PRCD: variants seen among roughly 807,000 people sequenced by gnomAD.
PRCD encodes the protein photoreceptor disc component, also known as photoreceptor disk component PRCD.
In PRCD, 12 loss-of-function variants were observed where a neutral mutation model predicts 10.1. That is an observed-to-expected ratio of 1.18 (90% confidence interval 0.76 to 1.92). The LOEUF is 1.92. Among genes scored for constraint, PRCD ranks in the 40% most tolerant of loss-of-function variants. PRCD has a pLI of 0.00. For missense variants in PRCD, 61 were observed against 72.2 expected (o/e 0.84, Z 0.56); for synonymous variants, 31 against 26.2 (o/e 1.18, Z -0.56).
At chr17:76,537,658 G>A (rs981477602), upstream of PRCD, 78 of 921,696 alleles carry the variant, frequency 8.5e-5, no homozygotes, top group East Asian at 1.2e-4. Flanking sequence ...GCGGGCGAGG[G>A]GTAGAGCGCG....
intron 1 of PRCD, chr17:76,529,719 T>TG (rs2074812237): frequency 4.7e-5 from 46 of 984,938 alleles, no homozygotes; most frequent in Non-Finnish European, 5.4e-5. Flanking sequence ...TGACAGCTGG[T>TG]GGGGGGTGAG....
In PRCD at chr17:76,531,513, G is replaced by C; in HGVS notation, n.45+3680G>C. The C allele has an allele frequency of 1.2e-6, 2 of 1,613,748 alleles. No individual in the cohort carries two copies. The highest frequency in any genetic ancestry group is 2.2e-5 in the South Asian group (2 of 91,088). On this transcript the variant is annotated intron_variant and non_coding_transcript_variant, in intron 1 of 4. Transcript: ENST00000397633. The surrounding 1 kb of genome is among the most constrained non-coding windows in gnomAD (Gnocchi z 7.4). Reference sequence around the variant, plus strand: ...TTGAGGGCGTGGGCTTTCCCCACAAGGGCGAGCACAGAGGACACCTTGTCG... The same window carrying C: ...TTGAGGGCGTGGGCTTTCCCCACAACGGCGAGCACAGAGGACACCTTGTCG...
chr17:76,535,841 C>T (rs569854260), upstream of PRCD, among the ~76,000 whole-genome samples: 2 of 152,304 alleles, frequency 1.3e-5, no homozygotes, highest in African/African-American at 2.4e-5. Context: ...ACTTCCTCCA[C>T]GTATCCGCAC....
intron 3 of PRCD, 140 bp from the exon 4 acceptor site, chr17:76,542,889 G>A (rs1287116206): frequency 3.3e-6 from 2 of 597,722 alleles, no homozygotes; most frequent in Non-Finnish European, 3.2e-6. Flanking sequence ...TGGGGATGGC[G>A]AGGTGGTCGT....
chr17:76,540,525 G>T lies in PRCD; in HGVS notation c.95G>T (p.Gly32Val), dbSNP rs374419323. The T allele has an allele frequency of 1.3e-5, 21 of 1,613,568 alleles. No homozygotes were observed. In the African/African-American group the frequency reaches 2.5e-4, roughly 19 times the overall value. ...CACAGAGAGCCCAGCGACGTGGATG[G>T]GGCAGCTAGGGGCAGCAGCTTGGAT... is the stretch of plus-strand genomic sequence containing the variant. ...RVQPEPSDVDGAARGSSLDAD... is the reference protein window; with the variant it reads ...RVQPEPSDVDVAARGSSLDAD... The change falls in exon 2 of 5, where the codon GGG becomes GTG. Residue 32 changes from glycine (G) to valine (V), a missense_variant. Transcript: ENST00000592014. The surrounding 1 kb of genome is among the most constrained non-coding windows in gnomAD (Gnocchi z 5.0).
rs915292531 is a variant in PRCD, at chr17:76,545,086, G to C, written c.*1436G>C. 2.2e-6 allele frequency: 1 copy of C among 453,924 alleles called. No homozygotes were observed. The highest frequency in any genetic ancestry group is 2.0e-5 in the African/African-American group (1 of 49,992). The allele number at this position is 453,924 out of a possible 1,614,324, so 28.1% of individuals were successfully genotyped here. A position where few individuals can be genotyped will look rare whatever the true frequency, so the allele number is the denominator to read the frequency against. On this transcript the variant is annotated 3_prime_UTR_variant, in exon 5 of 5. Transcript: ENST00000592014. ...GGGGGGCTGTCTCCCCCAGGGAGCA[G>C]GCTGGCTTTGGTGGGAGCAGATTGT...
At position 76,533,477 on chromosome 17, in the gene PRCD, C is replaced by T. The variant is rs1310294123; in HGVS notation, n.45+5644C>T. ...CGGTGGCTCACGCCTATAATCCTAG[C>T]ACTTTACGAGGCCGAGGCGGGTGGA... On this transcript the variant is annotated intron_variant and non_coding_transcript_variant, in intron 1 of 4. Transcript: ENST00000397633. This position sits in a 1 kb window ranked among gnomAD's most constrained non-coding sequence, Gnocchi z 4.5. 6.6e-6 allele frequency among the ~76,000 whole-genome samples: 1 copy of T among 152,202 alleles called. No individual in the cohort carries two copies. Among genetic ancestry groups the T allele is most frequent in the Non-Finnish European group, 1.5e-5 (1 of 68,028 alleles).
At chr17:76,538,303 G>C (rs953391215), upstream of PRCD, 14 of 254,948 alleles carry the variant, frequency 5.5e-5, no homozygotes, top group Admixed American at 5.4e-4. Flanking sequence ...CCACGGCTCT[G>C]GACGCCCAGG....
chr17:76,531,984 C>A lies in PRCD; in HGVS notation n.45+4151C>A, dbSNP rs1055928749. On this transcript the variant is annotated intron_variant and non_coding_transcript_variant, in intron 1 of 4. Transcript: ENST00000397633. This position sits in a 1 kb window ranked among gnomAD's most constrained non-coding sequence, Gnocchi z 7.4. ...TTGCTTCCTTCCCAAACTCTACACC[C>A]CCTTCAAGCCCTGCTCTAGTCATAG... is the stretch of plus-strand genomic sequence containing the variant. 2 of 316,900 alleles carry A rather than the reference C, an allele frequency of 6.3e-6. No individual in the cohort carries two copies. The highest frequency in any genetic ancestry group is 9.1e-4 in the Middle Eastern group (1 of 1,096). The allele number at this position is 316,900 out of a possible 1,614,324, so 19.6% of individuals were successfully genotyped here.
downstream of PRCD, among the ~76,000 whole-genome samples, chr17:76,549,493 A>G (rs2075086911): frequency 6.6e-6 from 1 of 152,238 alleles, no homozygotes; most frequent in Non-Finnish European, 1.5e-5. Context: ...AGTACTGTCC[A>G]AGATGTCACC....
chr17:76,540,036 C>G (rs547310148), upstream of PRCD: 2 of 1,205,690 alleles, frequency 1.7e-6, no homozygotes, highest in Non-Finnish European at 2.4e-6. The surrounding 1 kb of genome is among the most constrained non-coding windows in gnomAD (Gnocchi z 5.0). Context: ...CAGCAGGAAC[C>G]GCAGGACAGA....
At chr17:76,549,815 GTGA>G (rs2075089307), downstream of PRCD, 1 of 152,208 alleles carries the variant, frequency 6.6e-6, no homozygotes, top group African/African-American at 2.4e-5. Flanking sequence ...CCCCTACTGT[GTGA>G]TGATGACATG....
At position 76,544,942 on chromosome 17, in the gene PRCD, G is replaced by A. The variant is rs1438594717; in HGVS notation, c.*1292G>A. ...GCGCAGGAGGTGGTGGCTGCTCCAG[G>A]GATCCATCCAGAGGAAGGGCGGGAA... On this transcript the variant is annotated 3_prime_UTR_variant, in exon 5 of 5. Transcript: ENST00000592014. The A allele has an allele frequency of 2.2e-6, 1 of 456,760 alleles. No homozygotes were observed. The highest frequency in any genetic ancestry group is 2.3e-5 in the Admixed American group (1 of 42,596). 28.3% of individuals were successfully genotyped at this position (456,760 alleles called of 1,614,324 possible). A position where few individuals can be genotyped will look rare whatever the true frequency, so the allele number is the denominator to read the frequency against.
In PRCD at chr17:76,531,247, C is replaced by T; in HGVS notation, n.45+3414C>T. ...GTGGCCGAGAGGATCATTCCTAACGCAACAGTCTGGCAGCTTTGGGAACCC... is the reference window on the plus strand; with the variant it reads ...GTGGCCGAGAGGATCATTCCTAACGTAACAGTCTGGCAGCTTTGGGAACCC... On this transcript the variant is annotated intron_variant and non_coding_transcript_variant, in intron 1 of 4. Coordinates refer to the PRCD transcript ENST00000397633. The surrounding 1 kb of genome is among the most constrained non-coding windows in gnomAD (Gnocchi z 7.4). 1 of 1,344,178 alleles carries T rather than the reference C, an allele frequency of 7.4e-7. No individual in the cohort carries two copies. The highest frequency in any genetic ancestry group is 1.0e-6 in the Non-Finnish European group (1 of 979,368). 83.3% of individuals were successfully genotyped at this position (1,344,178 alleles called of 1,614,324 possible).
At chr17:76,537,558 C>G (rs756335791), upstream of PRCD, 4 of 1,387,648 alleles carry the variant, frequency 2.9e-6, no homozygotes, top group Admixed American at 8.7e-5. Context: ...GCTCCAAGCC[C>G]AGCCCGGCTT....
At position 76,529,013 on chromosome 17, in the gene PRCD, C is replaced by T. The variant is rs955552268; in HGVS notation, n.45+1180C>T. 37 of 995,132 alleles carry T rather than the reference C, an allele frequency of 3.7e-5. No homozygotes were observed. In the African/African-American group the frequency reaches 5.0e-4, roughly 14 times the overall value. The allele number at this position is 995,132 out of a possible 1,614,324, so 61.6% of individuals were successfully genotyped here. ...CCACCCATCTGTATTCTCGTATTCT[C>T]GGTACACACAGCGCCCCCTGCAGTC... On this transcript the variant is annotated intron_variant and non_coding_transcript_variant, in intron 1 of 4. Coordinates refer to the PRCD transcript ENST00000397633.
chr17:76,541,517 C>T (rs901291624), intron 2 of PRCD, among the ~76,000 whole-genome samples: 16 of 152,142 alleles, frequency 1.1e-4, no homozygotes, highest in Non-Finnish European at 1.6e-4. Context: ...AGAGAACTTC[C>T]GTCTTTCTGT....
Position 76,531,546 on chromosome 17 carries a change from G to A in PRCD, n.45+3713G>A. On this transcript the variant is annotated intron_variant and non_coding_transcript_variant, in intron 1 of 4. Transcript: ENST00000397633. The surrounding 1 kb of genome is among the most constrained non-coding windows in gnomAD (Gnocchi z 7.4). The stretch of plus-strand genomic sequence containing the variant: ...ACAGAGGACACCTTGTCGGGGTCAT[G>A]CAGGTTCTCCACGACAGTGTTGAGG... 1 of 1,614,154 alleles carries A rather than the reference G, an allele frequency of 6.2e-7. No homozygotes were observed. Among genetic ancestry groups the A allele is most frequent in the Non-Finnish European group, 8.5e-7 (1 of 1,179,984 alleles).
At chr17:76,542,505 G>T (rs761270795) in intron 2 of PRCD, 48 bp from the exon 3 acceptor site, 1 of 1,610,360 alleles carries the variant, frequency 6.2e-7, no homozygotes, top group East Asian at 2.2e-5. Context: ...CAGAAACATG[G>T]GAAGGTCGTG....
Sources: gnomAD v4.1 joint callset for allele counts (sites outside exome capture counted in the v4.1 genomes callset) on GRCh38, gnomAD v4.1.1 for gene constraint, Gnocchi (gnomAD v3.1) non-coding constraint, MANE v1.5 for transcripts, NCBI Gene and HGNC (gene_info 2026-07-23, HGNC 2026-07-21) for gene names.